The following NEDD4L variants were observed in gnomAD, a reference collection of about 807,000 sequenced individuals.
The protein encoded by NEDD4L is E3 ubiquitin-protein ligase NEDD4-like.
In NEDD4L, 54 loss-of-function variants were observed where a neutral mutation model predicts 148.9. The ratio of observed to expected loss-of-function variants is 0.36; its 90% CI spans 0.29 to 0.45. The LOEUF (loss-of-function observed/expected upper bound fraction) is 0.45. Among genes scored for constraint, NEDD4L ranks in the 20% least tolerant of loss-of-function variants. The pLI, the probability that NEDD4L is intolerant of heterozygous loss-of-function variation, is 1.00. For synonymous variants in NEDD4L, 433 were observed against 440.7 expected (o/e 0.98, Z 0.22); for missense variants, 856 against 1,233.8 (o/e 0.69, Z 4.59).
intron 5 of NEDD4L, among the ~76,000 whole-genome samples, chr18:58,280,303 A>G (rs552224352): frequency 4.6e-5 from 7 of 152,124 alleles, no homozygotes; most frequent in East Asian, 1.9e-4. Context: ...GTCTGGCCCC[A>G]TGCCACTGTC....
chr18:58,382,555 C>T (rs999980988), intron 24 of NEDD4L, among the ~76,000 whole-genome samples: 1 of 152,148 alleles, frequency 6.6e-6, no homozygotes, highest in Non-Finnish European at 1.5e-5. Flanking sequence ...TAGTAGGCCT[C>T]TCTCCCTTCC....
intron 2 of NEDD4L, among the ~76,000 whole-genome samples, chr18:58,192,873 A>G (rs2040263761): frequency 6.6e-6 from 1 of 152,330 alleles, no homozygotes; most frequent in Admixed American, 6.5e-5. Flanking sequence ...AGAAAGAAAG[A>G]AAGAAAAGGA....
At chr18:58,088,680 TC>T (rs2083894255) in intron 1 of NEDD4L, among the ~76,000 whole-genome samples, 1 of 152,216 alleles carries the variant, frequency 6.6e-6, no homozygotes, top group Non-Finnish European at 1.5e-5. Context: ...TTACCCAATG[TC>T]CATTTTGTAA....
chr18:58,269,419 C>T (rs1465644571), intron 5 of NEDD4L, among the ~76,000 whole-genome samples: 1 of 151,986 alleles, frequency 6.6e-6, no homozygotes, highest in Admixed American at 6.6e-5. Context: ...TTAGGTATTA[C>T]CCTTGTGCTC....
intron 5 of NEDD4L, among the ~76,000 whole-genome samples, chr18:58,310,440 G>T (rs112990292): frequency 3.5e-4 from 53 of 152,214 alleles, no homozygotes; most frequent in African/African-American, 1.2e-3. Context: ...GTGAATTTTG[G>T]TAGGAGTATG....
At chr18:58,257,379 G>C (rs1024738584) in intron 5 of NEDD4L, among the ~76,000 whole-genome samples, 5 of 152,068 alleles carry the variant, frequency 3.3e-5, no homozygotes, top group African/African-American at 1.2e-4. Flanking sequence ...AACGAGAGTA[G>C]TGTCGCTTGT....
chr18:58,245,988 G>A (rs9957736), intron 3 of NEDD4L, among the ~76,000 whole-genome samples: 28,695 of 151,356 alleles, frequency 0.19, 3,055 homozygotes, highest in East Asian at 0.44. Flanking sequence ...GTGAGCCACC[G>A]TGCCCAGCCC....
chr18:58,305,937 T>G (rs1164618362), intron 5 of NEDD4L, among the ~76,000 whole-genome samples: 4 of 152,224 alleles, frequency 2.6e-5, no homozygotes, highest in Non-Finnish European at 4.4e-5. Context: ...AGTTAATAGT[T>G]TGACTTTATG....
intron 2 of NEDD4L, among the ~76,000 whole-genome samples, chr18:58,240,055 T>TG (rs1462639118): frequency 7.9e-5 from 12 of 152,318 alleles, no homozygotes; most frequent in Admixed American, 5.2e-4. Context: ...CTGCTGAGTA[T>TG]CTTGGCATCT....
At chr18:58,044,999 C>T (rs2081509470) in intron 1 of NEDD4L, 1 of 420,554 alleles carries the variant, frequency 2.4e-6, no homozygotes, top group Non-Finnish European at 4.2e-6. Context: ...GCATGCGTGC[C>T]TCTCTTCCCT....
chr18:58,089,548 A>T (rs1362617005), intron 1 of NEDD4L, among the ~76,000 whole-genome samples: 1 of 152,106 alleles, frequency 6.6e-6, no homozygotes, highest in African/African-American at 2.4e-5. Context: ...ACTGAATGGG[A>T]TGGGGTGGTG....
chr18:58,096,134 T>G (rs1446629512), intron 1 of NEDD4L, among the ~76,000 whole-genome samples: 1 of 152,054 alleles, frequency 6.6e-6, no homozygotes, highest in Non-Finnish European at 1.5e-5. Context: ...CATGAACTCC[T>G]TGGTAGAACC....
intron 5 of NEDD4L, among the ~76,000 whole-genome samples, chr18:58,281,662 A>G (rs541041403): frequency 1.3e-5 from 2 of 152,236 alleles, no homozygotes; most frequent in Admixed American, 6.5e-5. Context: ...GAGGAAAAAG[A>G]AAAAAGAAAA....
intron 5 of NEDD4L, among the ~76,000 whole-genome samples, chr18:58,260,101 G>A (rs1435224381): frequency 1.3e-5 from 2 of 152,124 alleles, no homozygotes; most frequent in African/African-American, 4.8e-5. Context: ...GATTGCTTGA[G>A]CCCAGTAGTT....
chr18:58,236,505 T>C (rs2046036849), intron 2 of NEDD4L, among the ~76,000 whole-genome samples: 1 of 152,196 alleles, frequency 6.6e-6, no homozygotes, highest in African/African-American at 2.4e-5. Context: ...GTGGTGATCT[T>C]GTCTTGGAAT....
intron 1 of NEDD4L, among the ~76,000 whole-genome samples, chr18:58,140,245 A>G (rs1243631959): frequency 1.3e-5 from 2 of 152,194 alleles, no homozygotes. Flanking sequence ...AAATTCTGGT[A>G]CAGAGATAAA....
At chr18:58,151,210 A>G (rs767073343) in intron 1 of NEDD4L, among the ~76,000 whole-genome samples, 1 of 152,192 alleles carries the variant, frequency 6.6e-6, no homozygotes, top group East Asian at 1.9e-4. Flanking sequence ...AGTGGTGTCA[A>G]GGGAAAGAAA....
rs1160608319 is a variant in NEDD4L, at chr18:58,396,764, A to T, written c.*495A>T. 6.7e-6 allele frequency: 1 copy of T among 148,718 alleles called. No individual in the cohort carries two copies. Among genetic ancestry groups the T allele is most frequent in the Non-Finnish European group, 1.5e-5 (1 of 67,326 alleles). The allele number at this position is 148,718 out of a possible 1,614,324, so 9.2% of individuals were successfully genotyped here. On this transcript the variant is annotated 3_prime_UTR_variant, in exon 31 of 31. Coordinates refer to ENST00000400345, the MANE Select transcript of NEDD4L (RefSeq NM_001144967.3). ...TCATACCAGGCTTAATGTCAATGAC[A>T]TTTTTATTTTTGAAGTACTCTGACA...
At chr18:58,392,931 G>A (rs1568954287) in intron 30 of NEDD4L, among the ~76,000 whole-genome samples, 1 of 152,188 alleles carries the variant, frequency 6.6e-6, no homozygotes, top group Non-Finnish European at 1.5e-5. Context: ...GCAGCCTTAT[G>A]AGATATGTTA....
Sources: allele counts gnomAD v4.1 joint callset (sites outside exome capture counted in the v4.1 genomes callset), GRCh38; gene constraint gnomAD v4.1.1; transcripts MANE v1.5; gene names NCBI Gene and HGNC (gene_info 2026-07-23, HGNC 2026-07-21).